ADAMTSL1: variants seen among roughly 807,000 people sequenced by gnomAD.
ADAMTSL1 encodes the protein ADAMTS-like protein 1.
In ADAMTSL1, 126 loss-of-function variants were observed where a neutral mutation model predicts 201.8. The observed-to-expected ratio is 0.62, with a 90% CI of 0.54 to 0.72. The LOEUF (loss-of-function observed/expected upper bound fraction) is 0.72. ADAMTSL1 is among the 30% of genes least tolerant of loss of function. ADAMTSL1 has a pLI of 0.00. For synonymous variants in ADAMTSL1, 1,121 were observed against 903.4 expected (o/e 1.24, Z -4.32); for missense variants, 2,679 against 2,277.8 (o/e 1.18, Z -3.59).
chr9:18,777,062 T>A lies in ADAMTSL1; in HGVS notation c.2833T>A (p.Tyr945Asn). ...CCTCAAGCCCTCGGATGCAGGCGTC[T>A]ACACCTGCTCAGCGGGCCCGGCCCG... ...HRLKPSDAGVYTCSAGPAREH... is the reference protein window; with the variant it reads ...HRLKPSDAGVNTCSAGPAREH... The change falls in exon 19 of 29, where the codon TAC becomes AAC. Residue 945 changes from tyrosine (Y) to asparagine (N), a missense_variant. Coordinates refer to ENST00000380548, the MANE Select transcript of ADAMTSL1 (RefSeq NM_001040272.6). 1.2e-6 allele frequency: 2 copies of A among 1,613,370 alleles called. No homozygotes were observed. The highest frequency in any genetic ancestry group is 1.7e-6 in the Non-Finnish European group (2 of 1,179,776).
intron 12 of ADAMTSL1, among the ~76,000 whole-genome samples, chr9:18,682,525 A>T (rs1454936550): frequency 2.0e-5 from 3 of 152,192 alleles, no homozygotes; most frequent in African/African-American, 7.2e-5. Flanking sequence ...GTGTAGAACT[A>T]AGCATTTAGT....
intron 15 of ADAMTSL1, among the ~76,000 whole-genome samples, chr9:18,733,535 G>C (rs1818332024): frequency 6.6e-6 from 1 of 152,266 alleles, no homozygotes; most frequent in African/African-American, 2.4e-5. Flanking sequence ...TTTGCTTATA[G>C]ATCTGGAAGA....
At chr9:18,110,963 C>A (rs1587074138) in intron 1 of ADAMTSL1, among the ~76,000 whole-genome samples, 1 of 152,256 alleles carries the variant, frequency 6.6e-6, no homozygotes, top group East Asian at 1.9e-4. Context: ...CTCTTCACAC[C>A]TACCTCTAAA....
chr9:18,694,096 A>G (rs1332165091), intron 13 of ADAMTSL1, among the ~76,000 whole-genome samples: 1 of 152,140 alleles, frequency 6.6e-6, no homozygotes, highest in Non-Finnish European at 1.5e-5. Flanking sequence ...AGTGCTACAC[A>G]ATTTTAAACA....
At chr9:18,380,841 G>T (rs986461589) in intron 2 of ADAMTSL1, among the ~76,000 whole-genome samples, 2 of 152,202 alleles carry the variant, frequency 1.3e-5, no homozygotes, top group African/African-American at 4.8e-5. Context: ...GTGAACGCAT[G>T]CCCCAAACAA....
At chr9:18,434,668 TA>T (rs1185692267) in intron 2 of ADAMTSL1, among the ~76,000 whole-genome samples, 2 of 152,208 alleles carry the variant, frequency 1.3e-5, no homozygotes, top group Non-Finnish European at 2.9e-5. Context: ...GACAGAGTGA[TA>T]TTTTGGAAAT....
At chr9:18,781,798 C>G (rs1821410125) in intron 19 of ADAMTSL1, among the ~76,000 whole-genome samples, 1 of 152,168 alleles carries the variant, frequency 6.6e-6, no homozygotes, top group South Asian at 2.1e-4. Flanking sequence ...TTAAAGTATC[C>G]TCCAAATAGC....
chr9:18,778,916 A>G (rs150834513), intron 19 of ADAMTSL1, among the ~76,000 whole-genome samples: 12 of 152,348 alleles, frequency 7.9e-5, no homozygotes, highest in South Asian at 2.1e-4. Context: ...TTAACCTTCT[A>G]TCTTCTCAGA....
intron 7 of ADAMTSL1, among the ~76,000 whole-genome samples, chr9:18,645,704 T>TG (rs1564114111): frequency 3.4e-5 from 5 of 147,914 alleles, no homozygotes; most frequent in African/African-American, 1.2e-4. Flanking sequence ...GTTGTAGATA[T>TG]GCAGCATTAT....
chr9:18,403,708 C>A (rs1464552691), intron 2 of ADAMTSL1, among the ~76,000 whole-genome samples: 1 of 152,126 alleles, frequency 6.6e-6, no homozygotes, highest in East Asian at 1.9e-4. Flanking sequence ...TTTGTCTTTC[C>A]TCACCACACT....
intron 2 of ADAMTSL1, among the ~76,000 whole-genome samples, chr9:18,382,550 C>T (rs950650850): frequency 2.6e-5 from 4 of 151,898 alleles, no homozygotes; most frequent in Non-Finnish European, 5.9e-5. Context: ...TTTGGAGAAC[C>T]TCTACTGGCA....
intron 4 of ADAMTSL1, among the ~76,000 whole-genome samples, chr9:18,603,967 G>T (rs1422577213): frequency 1.3e-5 from 2 of 152,212 alleles, no homozygotes; most frequent in African/African-American, 4.8e-5. Context: ...AGGGTGCTCA[G>T]TCGCAGATGG....
At chr9:18,455,855 G>A (rs1820582119) in intron 2 of ADAMTSL1, among the ~76,000 whole-genome samples, 1 of 149,762 alleles carries the variant, frequency 6.7e-6, no homozygotes, top group Non-Finnish European at 1.5e-5. Context: ...AGGGGTTCAA[G>A]GATCTTATGT....
At chr9:18,224,534 C>A (rs1015558573) in intron 2 of ADAMTSL1, among the ~76,000 whole-genome samples, 3 of 152,114 alleles carry the variant, frequency 2.0e-5, no homozygotes, top group African/African-American at 7.2e-5. Context: ...GCTGGCCCCC[C>A]CAAATTTATG....
chr9:18,180,142 A>G (rs1828389418), intron 2 of ADAMTSL1, among the ~76,000 whole-genome samples: 1 of 152,220 alleles, frequency 6.6e-6, no homozygotes, highest in Non-Finnish European at 1.5e-5. Flanking sequence ...TCTCACGTGC[A>G]GAGACACACA....
At chr9:18,320,759 C>T (rs10115405) in intron 2 of ADAMTSL1, among the ~76,000 whole-genome samples, 78,271 of 151,882 alleles carry the variant, frequency 0.52, 20,560 homozygotes, top group Admixed American at 0.62. Context: ...CCTCTATTTC[C>T]TGTGAAGAAG....
chr9:18,406,046 T>G (rs1056678492), intron 2 of ADAMTSL1, among the ~76,000 whole-genome samples: 2 of 152,238 alleles, frequency 1.3e-5, no homozygotes, highest in African/African-American at 4.8e-5. Flanking sequence ...CAGATACCCA[T>G]GATTAAATTG....
intron 1 of ADAMTSL1, among the ~76,000 whole-genome samples, chr9:18,045,846 A>G (rs1821636045): frequency 6.6e-6 from 1 of 152,142 alleles, no homozygotes; most frequent in Admixed American, 6.5e-5. Flanking sequence ...CAAAGTTCCA[A>G]TATATTAACA....
chr9:18,215,115 T>A (rs1412015930), intron 2 of ADAMTSL1, among the ~76,000 whole-genome samples: 1 of 152,220 alleles, frequency 6.6e-6, no homozygotes, highest in Non-Finnish European at 1.5e-5. Context: ...AATTAAAATA[T>A]TGTTACATTT....
Sources: gnomAD v4.1 joint callset for allele counts (sites outside exome capture counted in the v4.1 genomes callset) on GRCh38, gnomAD v4.1.1 for gene constraint, MANE v1.5 for transcripts, NCBI Gene and HGNC (gene_info 2026-07-23, HGNC 2026-07-21) for gene names.